RPP30: variants seen among roughly 807,000 people sequenced by gnomAD.
RPP30 encodes ribonuclease P protein subunit p30.
A neutral mutation model predicts 38.6 loss-of-function variants in RPP30; 36 were observed. That is an observed-to-expected ratio of 0.93 (90% confidence interval 0.71 to 1.23). RPP30 has a LOEUF of 1.23. Ranked by LOEUF, RPP30 falls within the 50% of genes most tolerant of loss-of-function variation. The pLI is 0.00. For missense variants in RPP30, 321 were observed against 321.7 expected (o/e 1.00, Z 0.02); for synonymous variants, 126 against 112.7 (o/e 1.12, Z -0.75).
chr10:90,894,094 C>A (rs565799665), intron 6 of RPP30, among the ~76,000 whole-genome samples: 1 of 152,166 alleles, frequency 6.6e-6, no homozygotes, highest in East Asian at 1.9e-4. Flanking sequence ...TTTTGCTGTG[C>A]GGCTATAAGC....
chr10:90,885,480 G>C (rs902814522), intron 5 of RPP30, among the ~76,000 whole-genome samples: 8 of 152,080 alleles, frequency 5.3e-5, no homozygotes, highest in African/African-American at 1.9e-4. Flanking sequence ...CTTCTTTCTG[G>C]GACAGTCTGA....
rs552888142 is a variant in RPP30, at chr10:90,895,944, T to C, written c.617+27T>C. Reference sequence around the variant, plus strand: ...TATCCTTTTCTGAGTAAAAAGTTGTTGACATTGTCTTTCAGGAAATTTTGA... The same window carrying C: ...TATCCTTTTCTGAGTAAAAAGTTGTCGACATTGTCTTTCAGGAAATTTTGA... On this transcript the variant is annotated intron_variant, in intron 9 of 10. Coordinates refer to ENST00000371703, the MANE Select transcript of RPP30 (RefSeq NM_006413.5). 6 of 1,571,612 alleles carry C rather than the reference T, an allele frequency of 3.8e-6. No individual in the cohort carries two copies. The East Asian group carries it at 1.4e-4, about 35-fold the overall frequency.
At chr10:90,880,349 CTTAA>C (rs1328746359) in intron 5 of RPP30, among the ~76,000 whole-genome samples, 1 of 138,446 alleles carries the variant, frequency 7.2e-6, no homozygotes, top group African/African-American at 3.2e-5. Context: ...ACTGTCAATT[CTTAA>C]TTATTTATAT....
At chr10:90,886,563 A>G (rs920265908) in intron 6 of RPP30, among the ~76,000 whole-genome samples, 2 of 152,082 alleles carry the variant, frequency 1.3e-5, no homozygotes, top group Non-Finnish European at 2.9e-5. Context: ...TCATAAGGTA[A>G]TATTATTTCA....
rs991727499 is a variant in RPP30, at chr10:90,872,010, C to T, written c.24C>T (p.Asp8=). The change falls in exon 1 of 11, where the codon GAC becomes GAT. Residue 8 remains aspartate (D), a synonymous_variant. Coordinates refer to ENST00000371703, the MANE Select transcript of RPP30 (RefSeq NM_006413.5). The part of the protein sequence containing the change: MAVFADL[D]LRAGSDLKAL... ...GCATGGCGGTGTTTGCAGATTTGGA[C>T]CTGCGAGCGGGTTCTGACCTGAAGG... 5.0e-6 allele frequency: 8 copies of T among 1,613,974 alleles called. No individual in the cohort carries two copies. Among genetic ancestry groups the T allele is most frequent in the African/African-American group, 4.0e-5 (3 of 74,928 alleles).
intron 5 of RPP30, among the ~76,000 whole-genome samples, chr10:90,884,431 C>T (rs1286043655): frequency 6.6e-6 from 1 of 152,142 alleles, no homozygotes. Flanking sequence ...TTTATCTTTG[C>T]CAGTATGATC....
intron 2 of RPP30, 113 bp from the exon 3 acceptor site, chr10:90,875,445 C>A: frequency 2.5e-6 from 2 of 807,940 alleles, no homozygotes; most frequent in South Asian, 1.8e-5. Context: ...AATCACCTTG[C>A]TTTCTTTTTA....
downstream of RPP30, among the ~76,000 whole-genome samples, chr10:90,902,655 A>G (rs548252780): frequency 6.6e-6 from 1 of 152,362 alleles, no homozygotes; most frequent in South Asian, 2.1e-4. Context: ...TAAAATGACA[A>G]CAATAAAAAC....
intron 6 of RPP30, among the ~76,000 whole-genome samples, chr10:90,889,029 C>T (rs1847039252): frequency 6.6e-6 from 1 of 151,954 alleles, no homozygotes. Flanking sequence ...AATTTATTCA[C>T]CTATTTTTTA....
intron 1 of RPP30, among the ~76,000 whole-genome samples, chr10:90,874,449 A>G (rs953587032): frequency 1.1e-4 from 16 of 152,248 alleles, no homozygotes; most frequent in Admixed American, 8.5e-4. Flanking sequence ...TAGGAACTTG[A>G]TGGGATAAAA....
intron 5 of RPP30, among the ~76,000 whole-genome samples, chr10:90,884,532 T>C (rs1589497107): frequency 6.6e-6 from 1 of 152,202 alleles, no homozygotes; most frequent in African/African-American, 2.4e-5. Context: ...GTGACTCTTT[T>C]ATGAGTTGGA....
downstream of RPP30, chr10:90,903,106 A>G: frequency 1.3e-6 from 1 of 745,984 alleles, no homozygotes; most frequent in Non-Finnish European, 2.4e-6. Flanking sequence ...ATTAGATATG[A>G]GAAGGATAAC....
intron 1 of RPP30, 148 bp from the exon 2 acceptor site, chr10:90,874,721 T>G (rs1846827990): frequency 2.2e-6 from 1 of 454,024 alleles, no homozygotes; most frequent in Admixed American, 4.1e-5. Flanking sequence ...GCATAGACTT[T>G]AAATCAGGCA....
At chr10:90,875,692 G>T in intron 3 of RPP30, 78 bp downstream of exon 3, 1 of 1,213,278 alleles carries the variant, frequency 8.2e-7, no homozygotes. Flanking sequence ...CTATTCTCTA[G>T]CTTGAGCTGC....
intron 6 of RPP30, among the ~76,000 whole-genome samples, chr10:90,891,449 A>T (rs1397418321): frequency 6.6e-6 from 1 of 152,228 alleles, no homozygotes; most frequent in Non-Finnish European, 1.5e-5. Flanking sequence ...ATTTCCAAAT[A>T]TAAGATTACA....
intron 4 of RPP30, 134 bp downstream of exon 4, chr10:90,876,232 C>A: frequency 1.7e-6 from 1 of 603,658 alleles, no homozygotes; most frequent in South Asian, 1.9e-5. Context: ...TGCTTGCTCT[C>A]CTTGTCCTCA....
At chr10:90,886,836 G>A (rs760092210) in intron 6 of RPP30, among the ~76,000 whole-genome samples, 1 of 152,154 alleles carries the variant, frequency 6.6e-6, no homozygotes, top group Non-Finnish European at 1.5e-5. Flanking sequence ...TTTTGCCTCT[G>A]TAGAATCATA....
chr10:90,883,271 G>T, intron 5 of RPP30, among the ~76,000 whole-genome samples: 1 of 139,398 alleles, frequency 7.2e-6, no homozygotes, highest in Admixed American at 7.6e-5. Context: ...TCTTTAAATT[G>T]TCATAGGAGT....
Position 90,896,397 on chromosome 10 carries a change from G to GCAAGTTCTTCCAGTA in RPP30, c.697+9_697+23dup, listed in dbSNP as rs747523081. ...GAGCAGCGCTTCTCCATGGAGGTAA[G>GCAAGTTCTTCCAGTA]CAAGTTCTTCCAGTACAAACTGAAT... On this transcript the variant is annotated splice_donor_region_variant and intron_variant, in intron 10 of 10. Coordinates refer to ENST00000371703, the MANE Select transcript of RPP30 (RefSeq NM_006413.5). The GCAAGTTCTTCCAGTA allele has an allele frequency of 2.5e-6, 4 of 1,612,318 alleles. No individual in the cohort carries two copies. The highest frequency in any genetic ancestry group is 2.5e-6 in the Non-Finnish European group (3 of 1,178,478).
Sources: allele counts gnomAD v4.1 joint callset (sites outside exome capture counted in the v4.1 genomes callset), GRCh38; gene constraint gnomAD v4.1.1; transcripts MANE v1.5; gene names NCBI Gene and HGNC (gene_info 2026-07-23, HGNC 2026-07-21).